The following IAPP variants were observed in gnomAD, a reference collection of about 807,000 sequenced individuals.
IAPP encodes Islet amyloid polypeptide (diabetes-associated peptide; amylin).
A neutral mutation model predicts 2.9 loss-of-function variants in IAPP; 4 were observed. That is an observed-to-expected ratio of 1.39 (90% CI 0.69 to 3.19). The LOEUF (loss-of-function observed/expected upper bound fraction) is 3.19, where lower values mean the gene tolerates loss of function less well. Ranked by LOEUF, IAPP falls within the 30% of genes most tolerant of loss-of-function variation. The pLI, the probability that IAPP is intolerant of heterozygous loss-of-function variation, is 0.01. For synonymous variants in IAPP, 40 were observed against 42.1 expected, an observed-to-expected ratio of 0.95 and a Z score of 0.19; for missense variants, 114 against 105.3, an observed-to-expected ratio of 1.08 and a Z score of -0.36.
In IAPP at chr12:21,366,367, G is replaced by A. The variant is rs188298013; in HGVS notation, c.-15-6970G>A. ...TGAACAATGAGAACACAGGGACACA[G>A]GGTGGGGAACATCACACACACGGGC... is the stretch of plus-strand genomic sequence containing the variant. On this transcript the variant is annotated intron_variant, in intron 1 of 2. Transcript: ENST00000539393. Among the ~76,000 whole-genome samples the A allele has an allele frequency of 6.6e-5, 10 of 150,586 alleles. No individual in the cohort carries two copies. The East Asian group carries it at 2.0e-3, about 30-fold the overall frequency.
chr12:21,371,057 G>A (rs563376176), upstream of IAPP, among the ~76,000 whole-genome samples: 6 of 152,332 alleles, frequency 3.9e-5, no homozygotes, highest in South Asian at 4.1e-4. Flanking sequence ...GCTTACGGCG[G>A]TTTTGCAGTC....
At chr12:21,361,138 T>G (rs188814086) in intron 1 of IAPP, among the ~76,000 whole-genome samples, 172 of 149,270 alleles carry the variant, frequency 1.2e-3, no homozygotes, top group African/African-American at 4.2e-3. Flanking sequence ...CACCTCCCAG[T>G]AGGGGCCGAC....
At chr12:21,372,384 C>T (rs1369122795), upstream of IAPP, among the ~76,000 whole-genome samples, 1 of 152,130 alleles carries the variant, frequency 6.6e-6, no homozygotes, top group Non-Finnish European at 1.5e-5. Flanking sequence ...GTAGGTCTTC[C>T]ATTACTCTTA....
At chr12:21,355,520 A>G (rs1305777664) in intron 1 of IAPP, among the ~76,000 whole-genome samples, 1 of 152,152 alleles carries the variant, frequency 6.6e-6, no homozygotes, top group Non-Finnish European at 1.5e-5. Flanking sequence ...GGGAGACCTA[A>G]ACTTTGAGTC....
At chr12:21,368,622 G>C (rs1180938802), upstream of IAPP, among the ~76,000 whole-genome samples, 1 of 152,096 alleles carries the variant, frequency 6.6e-6, no homozygotes, top group African/African-American at 2.4e-5. Context: ...AAAATGTACA[G>C]TTAAAATTAT....
upstream of IAPP, among the ~76,000 whole-genome samples, chr12:21,371,935 C>A (rs1413923417): frequency 1.8e-4 from 27 of 150,792 alleles, no homozygotes. Context: ...CCGGGAGGCA[C>A]AGGTTACAGT....
chr12:21,371,902 T>C (rs912097716), upstream of IAPP, among the ~76,000 whole-genome samples: 6 of 151,872 alleles, frequency 4.0e-5, no homozygotes, highest in African/African-American at 1.2e-4. Context: ...CTCTGTAGGC[T>C]GAGGCAGGAG....
chr12:21,363,040 C>G (rs550233362), intron 1 of IAPP, among the ~76,000 whole-genome samples: 1 of 152,128 alleles, frequency 6.6e-6, no homozygotes, highest in African/African-American at 2.4e-5. Flanking sequence ...CTGCACCAAG[C>G]GGACCTAATA....
chr12:21,371,493 C>T (rs1939785656), upstream of IAPP, among the ~76,000 whole-genome samples: 1 of 152,080 alleles, frequency 6.6e-6, no homozygotes, highest in South Asian at 2.1e-4. Flanking sequence ...AAACAAGTTT[C>T]TTTCCTCCTG....
At chr12:21,366,023 A>G (rs1196131481) in intron 1 of IAPP, among the ~76,000 whole-genome samples, 1 of 152,220 alleles carries the variant, frequency 6.6e-6, no homozygotes, top group Non-Finnish European at 1.5e-5. Context: ...TAGAAATACC[A>G]TTTGACCCAG....
chr12:21,364,160 C>A (rs1030029920), intron 1 of IAPP, among the ~76,000 whole-genome samples: 27 of 152,186 alleles, frequency 1.8e-4, no homozygotes, highest in Non-Finnish European at 3.2e-4. Flanking sequence ...AAAATACTGG[C>A]AAACCGAATC....
chr12:21,373,906 A>G (rs796626606), intron 2 of IAPP, among the ~76,000 whole-genome samples: 24 of 152,330 alleles, frequency 1.6e-4, no homozygotes, highest in African/African-American at 5.8e-4. Flanking sequence ...ATGGAAATGT[A>G]TAGAAATAAT....
At position 21,361,778 on chromosome 12, in the gene IAPP, T is replaced by C. The variant is rs138041708; in HGVS notation, c.-16+6765T>C. 7.6e-3 allele frequency among the ~76,000 whole-genome samples: 1,153 copies of C among 152,086 alleles called. 15 individuals are homozygous for C. The highest frequency in any genetic ancestry group is 0.026 in the African/African-American group (1,077 of 41,488). ...AGCTTCAGTAGCCGATTTGATCAAA[T>C]AGAAGAAAGGGTATCAGTGATTGAA... On this transcript the variant is annotated intron_variant, in intron 1 of 2. Coordinates refer to the IAPP transcript ENST00000539393.
At chr12:21,373,316 G>T (rs1285703461) in intron 1 of IAPP, 21 bp from the exon 2 acceptor site, 5 of 1,371,218 alleles carry the variant, frequency 3.6e-6, no homozygotes, top group Non-Finnish European at 3.1e-6. Context: ...CTTGATTTCA[G>T]TGCTGGATTA....
upstream of IAPP, among the ~76,000 whole-genome samples, chr12:21,369,578 T>G (rs73241230): frequency 0.027 from 4,117 of 152,278 alleles, 205 homozygotes; most frequent in African/African-American, 0.094. Context: ...TGAAGTGAGA[T>G]ATCACATATT....
At chr12:21,364,570 A>C (rs1939214449) in intron 1 of IAPP, among the ~76,000 whole-genome samples, 1 of 152,212 alleles carries the variant, frequency 6.6e-6, no homozygotes. Context: ...AGAGAAAGAA[A>C]TAAAGGGTAT....
At chr12:21,357,451 A>G (rs1056327953) in intron 1 of IAPP, among the ~76,000 whole-genome samples, 1 of 152,182 alleles carries the variant, frequency 6.6e-6, no homozygotes, top group Non-Finnish European at 1.5e-5. Context: ...CTAATCTTAG[A>G]CTTCTTGCCT....
chr12:21,361,744 G>C (rs916973611), intron 1 of IAPP, among the ~76,000 whole-genome samples: 13 of 152,156 alleles, frequency 8.5e-5, no homozygotes, highest in Non-Finnish European at 1.5e-5. Context: ...ACTACGTGAC[G>C]CATGTACAAG....
intron 2 of IAPP, among the ~76,000 whole-genome samples, chr12:21,377,292 A>G (rs926677320): frequency 6.6e-6 from 1 of 152,214 alleles, no homozygotes; most frequent in African/African-American, 2.4e-5. Flanking sequence ...TCACACTGCA[A>G]TAGAGTACCT....
Sources: gnomAD v4.1 joint callset for allele counts (sites outside exome capture counted in the v4.1 genomes callset) on GRCh38, gnomAD v4.1.1 for gene constraint, MANE v1.5 for transcripts, NCBI Gene and HGNC (gene_info 2026-07-23, HGNC 2026-07-21) for gene names.